The following PRR13 variants were observed in gnomAD, a reference collection of about 807,000 sequenced individuals.
PRR13 encodes the protein proline rich 13.
PRR13 carries 7 observed loss-of-function variants against 11.5 expected under a neutral mutation model. That is an observed-to-expected ratio of 0.61 (90% CI 0.34 to 1.14). The LOEUF is 1.14. Ranked by LOEUF, PRR13 falls within the 50% of genes most tolerant of loss-of-function variation. The pLI is 0.03. For missense variants in PRR13, 155 were observed against 194.4 expected, an observed-to-expected ratio of 0.80 and a Z score of 1.21; for synonymous variants, 53 against 67.8, an observed-to-expected ratio of 0.78 and a Z score of 1.07.
Position 53,442,741 on chromosome 12 carries a change from T to A in PRR13, c.19+8T>A, listed in dbSNP as rs750892634. 6.2e-7 allele frequency: 1 copy of A among 1,609,736 alleles called. No homozygotes were observed. Among genetic ancestry groups the A allele is most frequent in the Non-Finnish European group, 8.5e-7 (1 of 1,176,056 alleles). On this transcript the variant is annotated splice_region_variant and intron_variant, in intron 2 of 3. Coordinates refer to ENST00000429243, the MANE Select transcript of PRR13 (RefSeq NM_018457.4). ...TGTGGAATCCCAATGCCGGTAGGTG[T>A]TTGGGGGTTCTGTTCCACCCCTAAC...
At chr12:53,443,091 A>C in intron 2 of PRR13, 1 of 366,514 alleles carries the variant, frequency 2.7e-6, no homozygotes. Context: ...TCATGGCCTC[A>C]TGAGATCTGT....
intron 1 of PRR13, chr12:53,442,273 C>T: frequency 4.6e-6 from 1 of 218,456 alleles, no homozygotes; most frequent in Non-Finnish European, 9.1e-6. Context: ...GAGACGGTGT[C>T]TTGCTCCGTC....
chr12:53,442,588 T>C, intron 1 of PRR13, 107 bp from the exon 2 acceptor site: 1 of 929,428 alleles, frequency 1.1e-6, no homozygotes, highest in South Asian at 1.4e-5. Context: ...GTTCTCCAGG[T>C]AGGAGAGCCT....
At chr12:53,443,978 C>T in intron 3 of PRR13, 1 of 704,972 alleles carries the variant, frequency 1.4e-6, no homozygotes, top group South Asian at 2.3e-5. Context: ...CTTCTCCTAT[C>T]TGGGGGGAGT....
At chr12:53,442,501 C>T in intron 1 of PRR13, 194 bp from the exon 2 acceptor site, 1 of 501,572 alleles carries the variant, frequency 2.0e-6, no homozygotes, top group South Asian at 2.3e-5. Context: ...CCTCGGCCTC[C>T]CAAAGTGCTG....
chr12:53,444,149 G>A (rs1433870210), intron 3 of PRR13: 1 of 355,362 alleles, frequency 2.8e-6, no homozygotes, highest in Non-Finnish European at 5.1e-6. Flanking sequence ...GACAAAGCAA[G>A]GTCTTATAAT....
chr12:53,445,230 C>T (rs1940378003), intron 3 of PRR13, among the ~76,000 whole-genome samples: 1 of 151,874 alleles, frequency 6.6e-6, no homozygotes, highest in Admixed American at 6.6e-5. Context: ...TGTCTGTAAT[C>T]CCAGCTACTC....
intron 2 of PRR13, 95 bp from the exon 3 acceptor site, chr12:53,443,296 T>G: frequency 1.6e-6 from 2 of 1,223,462 alleles, no homozygotes; most frequent in Non-Finnish European, 2.1e-6. Context: ...CCGTTTCCCT[T>G]TAAGTATTGA....
At chr12:53,445,555 A>G (rs536120121) in intron 3 of PRR13, among the ~76,000 whole-genome samples, 2 of 152,290 alleles carry the variant, frequency 1.3e-5, no homozygotes, top group South Asian at 2.1e-4. Flanking sequence ...GGGAAAAAGT[A>G]GAGATACATG....
chr12:53,443,267 A>G (rs1347030967), intron 2 of PRR13, 124 bp from the exon 3 acceptor site: 1 of 1,096,528 alleles, frequency 9.1e-7, no homozygotes, highest in African/African-American at 1.6e-5. Flanking sequence ...CCTACCCTCC[A>G]TTCTTCTTTG....
At chr12:53,444,475 G>C (rs550235164) in intron 3 of PRR13, among the ~76,000 whole-genome samples, 2 of 151,924 alleles carry the variant, frequency 1.3e-5, no homozygotes, top group Non-Finnish European at 2.9e-5. Flanking sequence ...GACTACAGGC[G>C]CCCGCCACCG....
chr12:53,444,352 C>T (rs1196991396), intron 3 of PRR13, among the ~76,000 whole-genome samples: 3 of 140,540 alleles, frequency 2.1e-5, no homozygotes, highest in South Asian at 2.2e-4. Context: ...TTTTTTGAGA[C>T]GGAGTCCCGC....
In PRR13 at chr12:53,442,602, G is replaced by A; in HGVS notation, c.-20-93G>A. On this transcript the variant is annotated intron_variant, in intron 1 of 3. Transcript: ENST00000429243. The stretch of plus-strand genomic sequence containing the variant: ...AGTTCTCCAGGTAGGAGAGCCTACT[G>A]TGGGGTGGAAGACGTTAGGGCTGGG... The A allele has an allele frequency of 3.8e-6, 4 of 1,066,390 alleles. No homozygotes were observed. The South Asian group carries it at 3.8e-5, about 10-fold the overall frequency. 66.1% of individuals were successfully genotyped at this position (1,066,390 alleles called of 1,614,324 possible). A position where few individuals can be genotyped will look rare whatever the true frequency, so the allele number is the denominator to read the frequency against.
intron 3 of PRR13, 68 bp downstream of exon 3, chr12:53,443,841 G>A: frequency 6.7e-7 from 1 of 1,503,174 alleles, no homozygotes. Context: ...GGCAGGGGTT[G>A]GGTGAGGGGG....
chr12:53,442,781 G>T (rs1940319960), intron 2 of PRR13, 48 bp downstream of exon 2: 1 of 1,571,886 alleles, frequency 6.4e-7, no homozygotes, highest in Non-Finnish European at 8.8e-7. Flanking sequence ...TTTCTGATGG[G>T]CTCTATAACA....
intron 1 of PRR13, chr12:53,442,012 G>T (rs1940301446): frequency 1.7e-6 from 1 of 596,196 alleles, no homozygotes; most frequent in Non-Finnish European, 3.0e-6. Flanking sequence ...CCTCCCCAGG[G>T]AGAGAGAAAG....
At chr12:53,442,795 A>T in intron 2 of PRR13, 62 bp downstream of exon 2, 1 of 1,544,554 alleles carries the variant, frequency 6.5e-7, no homozygotes, top group Non-Finnish European at 8.9e-7. Flanking sequence ...TATAACAGGA[A>T]GTTTCTGTAT....
intron 3 of PRR13, among the ~76,000 whole-genome samples, chr12:53,444,360 C>G (rs756682630): frequency 4.6e-5 from 7 of 150,590 alleles, no homozygotes; most frequent in Non-Finnish European, 8.9e-5. Context: ...GACGGAGTCC[C>G]GCTCTTTAGC....
In PRR13 at chr12:53,441,740, G is replaced by T. The variant is rs1042880184; in HGVS notation, c.-73G>T. On this transcript the variant is annotated 5_prime_UTR_variant, in exon 1 of 4. Transcript: ENST00000429243. The stretch of plus-strand genomic sequence containing the variant: ...CGAAGCACGGGGTCTGGGTGACTAG[G>T]AAGAGCCGAGACTGCGAAGGAGAAC... 1 of 701,084 alleles carries T rather than the reference G, an allele frequency of 1.4e-6. No individual in the cohort carries two copies. The highest frequency in any genetic ancestry group is 1.5e-5 in the South Asian group (1 of 67,512). The allele number at this position is 701,084 out of a possible 1,614,324, so 43.4% of individuals were successfully genotyped here.
Sources: gnomAD v4.1 joint callset for allele counts (sites outside exome capture counted in the v4.1 genomes callset) on GRCh38, gnomAD v4.1.1 for gene constraint, MANE v1.5 for transcripts, NCBI Gene and HGNC (gene_info 2026-07-23, HGNC 2026-07-21) for gene names.